The following MACROD2 variants were observed in gnomAD, a reference collection of about 807,000 sequenced individuals.
MACROD2 encodes the protein mono-ADP ribosylhydrolase 2, also known as ADP-ribose glycohydrolase MACROD2.
In MACROD2, 36 loss-of-function variants were observed where a neutral mutation model predicts 70.4. The ratio of observed to expected loss-of-function variants is 0.51; its 90% CI spans 0.39 to 0.68. The LOEUF (loss-of-function observed/expected upper bound fraction) is 0.68. Among genes scored for constraint, MACROD2 ranks in the 30% least tolerant of loss-of-function variants. MACROD2 has a pLI of 0.00. For missense variants in MACROD2, 496 were observed against 538.4 expected, an observed-to-expected ratio of 0.92 and a Z score of 0.78; for synonymous variants, 172 against 178.8, an observed-to-expected ratio of 0.96 and a Z score of 0.30.
At chr20:15,227,378 T>A (rs931043963) in intron 5 of MACROD2, among the ~76,000 whole-genome samples, 1 of 150,252 alleles carries the variant, frequency 6.7e-6, no homozygotes, top group African/African-American at 2.4e-5. Context: ...TCCCTCCCTC[T>A]TTCCCTTCCT....
chr20:15,956,384 A>T (rs976418549), intron 12 of MACROD2, among the ~76,000 whole-genome samples: 18 of 152,176 alleles, frequency 1.2e-4, no homozygotes, highest in African/African-American at 3.6e-4. Flanking sequence ...AATGTGAAGG[A>T]GAGATGCTTT....
At chr20:15,605,561 A>G (rs1193965633) in intron 8 of MACROD2, among the ~76,000 whole-genome samples, 1 of 152,032 alleles carries the variant, frequency 6.6e-6, no homozygotes, top group Non-Finnish European at 1.5e-5. Flanking sequence ...GCAAAACCAA[A>G]TAGAATAAAC....
intron 8 of MACROD2, among the ~76,000 whole-genome samples, chr20:15,642,727 G>T (rs2049480803): frequency 6.6e-6 from 1 of 152,050 alleles, no homozygotes. Flanking sequence ...TGGAGTAACT[G>T]CTGAGGAGAA....
intron 3 of MACROD2, among the ~76,000 whole-genome samples, chr20:14,392,785 T>A (rs955073530): frequency 1.3e-5 from 2 of 152,134 alleles, no homozygotes; most frequent in African/African-American, 4.8e-5. Context: ...AGTCCCACCT[T>A]AGGTTTCTTA....
intron 7 of MACROD2, among the ~76,000 whole-genome samples, chr20:15,464,543 A>C (rs1294681931): frequency 1.3e-5 from 2 of 152,216 alleles, no homozygotes; most frequent in Non-Finnish European, 2.9e-5. Context: ...TTAGAGAAAA[A>C]ATATTCCAGT....
At chr20:15,763,971 A>G (rs2051480577) in intron 8 of MACROD2, among the ~76,000 whole-genome samples, 1 of 152,254 alleles carries the variant, frequency 6.6e-6, no homozygotes, top group African/African-American at 2.4e-5. Flanking sequence ...CTAGATTTTT[A>G]GCAAGATTTG....
chr20:15,408,093 A>G (rs2046029122), intron 6 of MACROD2, among the ~76,000 whole-genome samples: 1 of 152,206 alleles, frequency 6.6e-6, no homozygotes, highest in African/African-American at 2.4e-5. Flanking sequence ...AATTTAGGCA[A>G]TGCAAGGCAG....
intron 15 of MACROD2, among the ~76,000 whole-genome samples, chr20:16,040,887 T>C (rs1227250755): frequency 2.0e-5 from 3 of 152,010 alleles, no homozygotes; most frequent in Non-Finnish European, 4.4e-5. Context: ...ACAGACACAC[T>C]TCCCTAAATT....
chr20:15,126,569 G>T (rs2123263949), intron 5 of MACROD2, among the ~76,000 whole-genome samples: 1 of 152,128 alleles, frequency 6.6e-6, no homozygotes, highest in African/African-American at 2.4e-5. Flanking sequence ...AAAAATGCAA[G>T]AATTCAAATA....
intron 5 of MACROD2, among the ~76,000 whole-genome samples, chr20:15,101,191 T>G (rs957634452): frequency 6.6e-6 from 1 of 152,140 alleles, no homozygotes; most frequent in East Asian, 1.9e-4. Context: ...CTGGCAGAGA[T>G]AGTAAAATGG....
At chr20:14,268,574 A>G (rs1351908659) in intron 3 of MACROD2, among the ~76,000 whole-genome samples, 1 of 152,108 alleles carries the variant, frequency 6.6e-6, no homozygotes, top group Non-Finnish European at 1.5e-5. Context: ...GATGGTATAT[A>G]TTTCATAGGT....
chr20:14,056,651 A>G (rs767445435), intron 2 of MACROD2, among the ~76,000 whole-genome samples: 1 of 151,914 alleles, frequency 6.6e-6, no homozygotes, highest in East Asian at 1.9e-4. Flanking sequence ...TACAATTGTT[A>G]TTTTCCATTT....
At chr20:15,530,486 A>G (rs1278270009) in intron 8 of MACROD2, among the ~76,000 whole-genome samples, 1 of 152,100 alleles carries the variant, frequency 6.6e-6, no homozygotes, top group Non-Finnish European at 1.5e-5. Context: ...TAATCCCAGC[A>G]CTTTGGTAGG....
intron 5 of MACROD2, among the ~76,000 whole-genome samples, chr20:14,728,519 C>T (rs1248329248): frequency 2.6e-5 from 4 of 152,152 alleles, no homozygotes; most frequent in South Asian, 2.1e-4. Context: ...AGCCAGATTC[C>T]ATTTAAAAAC....
Position 15,672,623 on chromosome 20 carries a change from C to T in MACROD2, c.645+172776C>T, listed in dbSNP as rs189232320. Among the ~76,000 whole-genome samples, 8 of 152,244 alleles carry T rather than the reference C, an allele frequency of 5.3e-5. No individual in the cohort carries two copies. The East Asian group carries it at 1.2e-3, about 22-fold the overall frequency. On this transcript the variant is annotated intron_variant, in intron 8 of 17. Coordinates refer to ENST00000684519, the MANE Select transcript of MACROD2 (RefSeq NM_001351661.2). ...TCGGCCAATTCACACGACATATTCT[C>T]CTGGCCATGGTGGTGCATCAGAGGT...
chr20:14,284,705 G>A (rs935507164), intron 3 of MACROD2, among the ~76,000 whole-genome samples: 4 of 152,202 alleles, frequency 2.6e-5, no homozygotes, highest in Admixed American at 6.5e-5. Flanking sequence ...CTTTCTAAAG[G>A]CCTGTAGCAA....
At chr20:15,525,532 C>T (rs1044191435) in intron 8 of MACROD2, among the ~76,000 whole-genome samples, 20 of 152,202 alleles carry the variant, frequency 1.3e-4, no homozygotes, top group Admixed American at 4.6e-4. Flanking sequence ...ACCACAAGGT[C>T]CCTGTTCCTT....
intron 3 of MACROD2, among the ~76,000 whole-genome samples, chr20:14,415,720 C>G (rs145742698): frequency 3.8e-4 from 58 of 152,156 alleles, no homozygotes; most frequent in Non-Finnish European, 7.1e-4. Context: ...GTGATTAAGC[C>G]GATAAGCTGG....
chr20:15,128,403 T>TC (rs1248416868), intron 5 of MACROD2, among the ~76,000 whole-genome samples: 3 of 152,090 alleles, frequency 2.0e-5, no homozygotes, highest in Non-Finnish European at 1.5e-5. Context: ...AAACTTGTAA[T>TC]ATTTTCATTA....
Sources: allele counts gnomAD v4.1 joint callset (sites outside exome capture counted in the v4.1 genomes callset), GRCh38; gene constraint gnomAD v4.1.1; transcripts MANE v1.5; gene names NCBI Gene and HGNC (gene_info 2026-07-23, HGNC 2026-07-21).